NFATC3: variants seen among roughly 807,000 people sequenced by gnomAD.
The protein encoded by NFATC3 is nuclear factor of activated T-cells, cytoplasmic 3.
A neutral mutation model predicts 98.6 loss-of-function variants in NFATC3; 46 were observed. That is an observed-to-expected ratio of 0.47 (90% CI 0.37 to 0.60). The LOEUF is 0.60. Ranked by LOEUF, NFATC3 falls within the 20% of genes least tolerant of loss-of-function variation. The probability of loss-of-function intolerance (pLI) is 0.00; values close to 1 mark genes in which losing one functional copy is unlikely to be tolerated. For synonymous variants in NFATC3, 512 were observed against 472.2 expected (o/e 1.08, Z -1.09); for missense variants, 1,256 against 1,295.5 (o/e 0.97, Z 0.47).
At chr16:68,217,751 CTT>C (rs2041692556) in intron 9 of NFATC3, 1 of 1,231,464 alleles carries the variant, frequency 8.1e-7, no homozygotes, top group Non-Finnish European at 1.0e-6. Context: ...ATGACTGAGT[CTT>C]AGCCCGAGGA....
chr16:68,180,362 T>A (rs2039903520), intron 6 of NFATC3, among the ~76,000 whole-genome samples: 1 of 152,146 alleles, frequency 6.6e-6, no homozygotes, highest in Non-Finnish European at 1.5e-5. Context: ...ACGAGGAGCT[T>A]TCTAGCAGCA....
At position 68,112,268 on chromosome 16, in the gene NFATC3, C is replaced by CTTTTTTTTTTTTT. The variant is rs768228927; in HGVS notation, c.104-9704_104-9692dup. On this transcript the variant is annotated intron_variant, in intron 1 of 9. Coordinates refer to ENST00000346183, the MANE Select transcript of NFATC3 (RefSeq NM_173165.3). ...CAGGTACCCCAGTTGTAGGTTCAGTCTTTTTTTTTTTTTTTTTTTTTTTTT... is the reference window on the plus strand; with the variant it reads ...CAGGTACCCCAGTTGTAGGTTCAGTCTTTTTTTTTTTTTTTTTTTTTTTTTTTTTTTTTTTTTT... Among the ~76,000 whole-genome samples the CTTTTTTTTTTTTT allele has an allele frequency of 6.5e-5, 5 of 77,424 alleles. 1 individual carries two copies. Among genetic ancestry groups the CTTTTTTTTTTTTT allele is most frequent in the African/African-American group, 2.7e-4 (5 of 18,690 alleles). 50.8% of individuals were successfully genotyped at this position (77,424 alleles called of 152,430 possible).
chr16:68,219,559 A>G (rs991565251), intron 9 of NFATC3, among the ~76,000 whole-genome samples: 1 of 151,976 alleles, frequency 6.6e-6, no homozygotes, highest in Non-Finnish European at 1.5e-5. Context: ...AGACTAAGAC[A>G]CTGTCTCCTA....
At position 68,226,897 on chromosome 16, in the gene NFATC3, C is replaced by CAAAAAAAAAAAAAAAAAAAAAAAAAA. The variant is rs397955987; in HGVS notation, c.*427_*452dup. The CAAAAAAAAAAAAAAAAAAAAAAAAAA allele has an allele frequency of 1.2e-3, 37 of 30,326 alleles. 2 individuals carry two copies. Among genetic ancestry groups the CAAAAAAAAAAAAAAAAAAAAAAAAAA allele is most frequent in the African/African-American group, 1.9e-3 (13 of 6,852 alleles). The allele number at this position is 30,326 out of a possible 1,614,324, so 1.9% of individuals were successfully genotyped here. ...AACTTTTGATAAGACCTTCTAGAAG[C>CAAAAAAAAAAAAAAAAAAAAAAAAAA]AAAAAAAAAAAAAAAAAAAAAAAAA... On this transcript the variant is annotated 3_prime_UTR_variant, in exon 10 of 10. Transcript: ENST00000346183.
intron 9 of NFATC3, among the ~76,000 whole-genome samples, chr16:68,193,839 G>A (rs2040545276): frequency 6.6e-6 from 1 of 151,864 alleles, no homozygotes; most frequent in Non-Finnish European, 1.5e-5. Context: ...AACATCAGAG[G>A]CAAGTCAGAT....
At chr16:68,136,701 T>C (rs1325577937) in intron 3 of NFATC3, among the ~76,000 whole-genome samples, 1 of 152,156 alleles carries the variant, frequency 6.6e-6, no homozygotes, top group East Asian at 1.9e-4. Flanking sequence ...ATGAACACCA[T>C]AGAGTATAGT....
At chr16:68,185,679 C>T (rs2040161835) in intron 8 of NFATC3, among the ~76,000 whole-genome samples, 1 of 151,602 alleles carries the variant, frequency 6.6e-6, no homozygotes, top group Admixed American at 6.6e-5. Context: ...ATTGAGACCA[C>T]GGTGAAACCC....
At chr16:68,120,752 CAAAG>C (rs1218611125) in intron 1 of NFATC3, among the ~76,000 whole-genome samples, 1 of 151,720 alleles carries the variant, frequency 6.6e-6, no homozygotes, top group African/African-American at 2.4e-5. Context: ...AACAAACAAA[CAAAG>C]AAAAACCCAC....
At chr16:68,218,139 G>A in intron 9 of NFATC3, 11 of 640,142 alleles carry the variant, frequency 1.7e-5, no homozygotes, top group Non-Finnish European at 2.1e-5. Flanking sequence ...ATAGCTTACT[G>A]CATCCTGGAA....
At chr16:68,185,194 C>G (rs2040131361) in intron 8 of NFATC3, among the ~76,000 whole-genome samples, 1 of 152,090 alleles carries the variant, frequency 6.6e-6, no homozygotes, top group South Asian at 2.1e-4. Flanking sequence ...CCAGGCTGGT[C>G]TCGAACTCCT....
chr16:68,200,144 T>A (rs566170000), intron 9 of NFATC3: 2 of 152,136 alleles, frequency 1.3e-5, no homozygotes, highest in South Asian at 4.1e-4. Flanking sequence ...TCTTAAAAAC[T>A]CTCCAGCAAC....
chr16:68,131,617 A>G (rs947002505), intron 3 of NFATC3, among the ~76,000 whole-genome samples: 1 of 152,026 alleles, frequency 6.6e-6, no homozygotes, highest in Non-Finnish European at 1.5e-5. Flanking sequence ...TTTAAAAGAA[A>G]CAAGCCAGCA....
chr16:68,175,324 A>G (rs1260953008), intron 6 of NFATC3, among the ~76,000 whole-genome samples: 2 of 152,188 alleles, frequency 1.3e-5, no homozygotes, highest in Admixed American at 1.3e-4. Flanking sequence ...AGTGATGGAA[A>G]TCTTCTGGAA....
chr16:68,095,601 G>A (rs1315021207), intron 1 of NFATC3, among the ~76,000 whole-genome samples: 1 of 152,146 alleles, frequency 6.6e-6, no homozygotes, highest in Non-Finnish European at 1.5e-5. Context: ...TGATCCGCCT[G>A]CCTCGGCCTC....
intron 9 of NFATC3, chr16:68,221,435 T>C (rs1010611668): frequency 7.1e-7 from 1 of 1,408,364 alleles, no homozygotes; most frequent in Non-Finnish European, 9.3e-7. Flanking sequence ...CTAAAATTTA[T>C]ATTCAGTGCT....
chr16:68,141,286 T>G (rs1412791233), intron 3 of NFATC3, among the ~76,000 whole-genome samples: 1 of 152,232 alleles, frequency 6.6e-6, no homozygotes, highest in Non-Finnish European at 1.5e-5. Flanking sequence ...AGGTGTCTTT[T>G]TGACATAATG....
At chr16:68,166,624 C>A (rs1598486460) in intron 4 of NFATC3, among the ~76,000 whole-genome samples, 1 of 152,328 alleles carries the variant, frequency 6.6e-6, no homozygotes, top group East Asian at 1.9e-4. Flanking sequence ...GAATTATTAA[C>A]TTTGCAGACA....
intron 8 of NFATC3, among the ~76,000 whole-genome samples, chr16:68,188,590 A>G (rs984576827): frequency 1.3e-5 from 2 of 152,206 alleles, no homozygotes; most frequent in Non-Finnish European, 2.9e-5. Flanking sequence ...TTTTTTATTA[A>G]GGTATTTCTG....
Position 68,126,431 on chromosome 16 carries a change from G to T in NFATC3, c.1239-17G>T, listed in dbSNP as rs747071762. On this transcript the variant is annotated splice_polypyrimidine_tract_variant and intron_variant, in intron 2 of 9. Transcript: ENST00000346183. ...TAATAGCATGGTGACATGCATCTTTGTGTGTTTTGTTTGTAGCACATCTTC... is the reference window on the plus strand; with the variant it reads ...TAATAGCATGGTGACATGCATCTTTTTGTGTTTTGTTTGTAGCACATCTTC... The T allele has an allele frequency of 1.1e-5, 17 of 1,598,574 alleles. No homozygotes were observed. In the East Asian group the frequency reaches 2.9e-4, roughly 27 times the overall value.
Sources: gnomAD v4.1 joint callset for allele counts (sites outside exome capture counted in the v4.1 genomes callset) on GRCh38, gnomAD v4.1.1 for gene constraint, MANE v1.5 for transcripts, NCBI Gene and HGNC (gene_info 2026-07-23, HGNC 2026-07-21) for gene names.